Variants in BEST3 observed in about 807,000 individuals in gnomAD.
The protein encoded by BEST3 is bestrophin 3.
BEST3 carries 50 observed loss-of-function variants against 47.1 expected under a neutral mutation model. The ratio of observed to expected loss-of-function variants is 1.06; its 90% CI spans 0.85 to 1.34. The LOEUF is 1.34. Ranked by LOEUF, BEST3 falls within the 40% of genes most tolerant of loss-of-function variation. The pLI is 0.00. For missense variants in BEST3, 765 were observed against 817.0 expected, an observed-to-expected ratio of 0.94 and a Z score of 0.78; for synonymous variants, 282 against 298.8, an observed-to-expected ratio of 0.94 and a Z score of 0.58.
chr12:69,696,826 A>G (rs1279917482), intron 2 of BEST3, among the ~76,000 whole-genome samples: 1 of 152,216 alleles, frequency 6.6e-6, no homozygotes, highest in Admixed American at 6.5e-5. Context: ...TACAGCCTCA[A>G]AAACCTTTAG....
intron 4 of BEST3, chr12:69,689,023 C>T: frequency 1.1e-6 from 1 of 895,436 alleles, no homozygotes; most frequent in Non-Finnish European, 1.3e-6. Flanking sequence ...TCCCTCGTGC[C>T]CTTAACCTTG....
At chr12:69,698,758 A>G (rs1194627755) in intron 1 of BEST3, among the ~76,000 whole-genome samples, 1 of 152,204 alleles carries the variant, frequency 6.6e-6, no homozygotes, top group African/African-American at 2.4e-5. Flanking sequence ...ATCTTTACTC[A>G]TTGCTGGAAA....
Position 69,654,756 on chromosome 12 carries a change from C to T in BEST3, c.*151G>A. The T allele has an allele frequency of 7.3e-7, 1 of 1,371,760 alleles. No homozygotes were observed. The highest frequency in any genetic ancestry group is 9.4e-7 in the Non-Finnish European group (1 of 1,061,774). 85.0% of individuals were successfully genotyped at this position (1,371,760 alleles called of 1,614,324 possible). ...TTCGCAGCTCTCAAAAAGTCAGGAT[C>T]ATAATGCCCTTCAAAGTTCTAAGTA... On this transcript the variant is annotated 3_prime_UTR_variant, in exon 10 of 10. Coordinates refer to ENST00000330891, the MANE Select transcript of BEST3 (RefSeq NM_032735.3).
chr12:69,699,061 G>A lies in BEST3; in HGVS notation c.-16+144C>T, dbSNP rs199946883. 2.2e-5 allele frequency: 8 copies of A among 362,514 alleles called. No individual in the cohort carries two copies. The East Asian group carries it at 4.8e-4, about 22-fold the overall frequency. 22.5% of individuals were successfully genotyped at this position (362,514 alleles called of 1,614,324 possible). ...TCATAATTTGTTCTCATGGACTCCC[G>A]GTAGTTTTAAATAACAGTCCTTAAT... On this transcript the variant is annotated intron_variant, in intron 1 of 9. Transcript: ENST00000330891.
At chr12:69,656,411 A>G (rs1416337846) in intron 9 of BEST3, among the ~76,000 whole-genome samples, 1 of 151,028 alleles carries the variant, frequency 6.6e-6, no homozygotes, top group Non-Finnish European at 1.5e-5. Flanking sequence ...GTCATCTAGT[A>G]TATGTTCTTT....
At chr12:69,691,573 T>A (rs1885925451) in intron 4 of BEST3, among the ~76,000 whole-genome samples, 1 of 152,106 alleles carries the variant, frequency 6.6e-6, no homozygotes, top group South Asian at 2.1e-4. Flanking sequence ...GGTGGGCGGA[T>A]CACAAGGTCA....
chr12:69,661,003 T>C (rs1170851092), intron 9 of BEST3: 2 of 152,208 alleles, frequency 1.3e-5, no homozygotes, highest in South Asian at 4.1e-4. Flanking sequence ...CTTTAAAAGA[T>C]GCTTGGGCTG....
At chr12:69,691,708 C>T (rs1885932264) in intron 4 of BEST3, among the ~76,000 whole-genome samples, 1 of 152,132 alleles carries the variant, frequency 6.6e-6, no homozygotes, top group South Asian at 2.1e-4. Context: ...AGGGGAATCG[C>T]TTGAACCCAG....
At chr12:69,652,887 A>C (rs1883253883), downstream of BEST3, among the ~76,000 whole-genome samples, 1 of 152,198 alleles carries the variant, frequency 6.6e-6, no homozygotes, top group Non-Finnish European at 1.5e-5. Context: ...GAAGTGTTAT[A>C]TTGGCTCTTG....
At chr12:69,684,636 T>C (rs1565838831) in intron 4 of BEST3, 3 of 633,624 alleles carry the variant, frequency 4.7e-6, no homozygotes, top group Admixed American at 4.2e-5. Flanking sequence ...GTATTCAGCA[T>C]CTGAGCCCTT....
intron 4 of BEST3, among the ~76,000 whole-genome samples, chr12:69,685,819 T>G (rs1377721876): frequency 6.6e-6 from 1 of 152,168 alleles, no homozygotes; most frequent in East Asian, 1.9e-4. Flanking sequence ...TGAGAAACAT[T>G]GAGTGGATAG....
At chr12:69,663,051 T>G (rs1408774508) in intron 9 of BEST3, among the ~76,000 whole-genome samples, 4 of 152,330 alleles carry the variant, frequency 2.6e-5, no homozygotes, top group African/African-American at 9.6e-5. Context: ...TCTTTACTGT[T>G]GGGTGTTTTG....
At chr12:69,691,001 A>T (rs559862515) in intron 4 of BEST3, among the ~76,000 whole-genome samples, 7 of 152,012 alleles carry the variant, frequency 4.6e-5, no homozygotes, top group Non-Finnish European at 1.0e-4. Flanking sequence ...TTACTTTCTC[A>T]TATCTCACTC....
chr12:69,657,209 C>T (rs1314825879), intron 9 of BEST3, among the ~76,000 whole-genome samples: 2 of 152,042 alleles, frequency 1.3e-5, no homozygotes, highest in Non-Finnish European at 2.9e-5. Flanking sequence ...GATTCTCATG[C>T]CTCAGCCTCC....
intron 9 of BEST3, among the ~76,000 whole-genome samples, chr12:69,668,682 C>T (rs1007333765): frequency 6.6e-6 from 1 of 152,198 alleles, no homozygotes; most frequent in Admixed American, 6.5e-5. Context: ...ATCACATACT[C>T]CATATGGTTG....
intron 4 of BEST3, chr12:69,683,585 C>G (rs1376707162): frequency 6.6e-6 from 1 of 152,242 alleles, no homozygotes; most frequent in Non-Finnish European, 1.5e-5. Context: ...TGTCTCTTAC[C>G]TACCTATGAC....
intron 1 of BEST3, among the ~76,000 whole-genome samples, chr12:69,698,656 A>C (rs1434968412): frequency 1.3e-5 from 2 of 152,260 alleles, no homozygotes; most frequent in African/African-American, 4.8e-5. Context: ...TTTAGATAGA[A>C]TTGTACTAGA....
rs537880191 is a variant in BEST3 at position 69,655,552 on chromosome 12, G to A, written c.1362C>T (p.Cys454=). ...PRASPTWKKS[C]FPEGSPTLHF... is the part of the protein sequence containing the mutation. The stretch of plus-strand genomic sequence containing the variant: ...GCAGCGTGGGGCTTCCTTCTGGGAA[G>A]CAGGATTTCTTCCAGGTGGGTGAGG... The change falls in exon 10 of 10, where the codon TGC becomes TGT. Residue 454 remains cysteine, a synonymous_variant. Coordinates refer to ENST00000330891, the MANE Select transcript of BEST3 (RefSeq NM_032735.3). 1.2e-6 allele frequency: 2 copies of A among 1,614,078 alleles called. No individual in the cohort carries two copies. The highest frequency in any genetic ancestry group is 2.2e-5 in the South Asian group (2 of 91,054).
chr12:69,699,281 G>A lies in BEST3; in HGVS notation c.-92C>T. The A allele has an allele frequency of 9.1e-6, 9 of 985,394 alleles. No individual in the cohort carries two copies. Among genetic ancestry groups the A allele is most frequent in the Non-Finnish European group, 1.1e-5 (9 of 829,938 alleles). 61.0% of individuals were successfully genotyped at this position (985,394 alleles called of 1,614,324 possible). ...GGCTCCCCCGAAGAGGTGCCTTCAG[G>A]TCGGTGCTGCACGCCCGGTGTCACC... On this transcript the variant is annotated 5_prime_UTR_variant, in exon 1 of 10. Transcript: ENST00000330891.
Sources: allele counts gnomAD v4.1 joint callset (sites outside exome capture counted in the v4.1 genomes callset), GRCh38; gene constraint gnomAD v4.1.1; transcripts MANE v1.5; gene names NCBI Gene and HGNC (gene_info 2026-07-23, HGNC 2026-07-21).